The following DUS4L variants were observed in gnomAD, a reference collection of about 807,000 sequenced individuals.
DUS4L encodes tRNA-dihydrouridine(20a/20b) synthase [NAD(P)+]-like.
Under a neutral mutation model 33.8 loss-of-function variants are expected in DUS4L, and 31 were observed. That is an observed-to-expected ratio of 0.92 (90% CI 0.69 to 1.24). DUS4L has a LOEUF of 1.24. DUS4L is among the 50% of genes most tolerant of loss of function. The pLI is 0.00. For synonymous variants in DUS4L, 103 were observed against 120.3 expected (o/e 0.86, Z 0.94); for missense variants, 368 against 388.6 (o/e 0.95, Z 0.45).
In DUS4L at chr7:107,573,830, C is replaced by A; in HGVS notation, c.356+9C>A. 3 of 1,487,588 alleles carry A rather than the reference C, an allele frequency of 2.0e-6. No individual in the cohort carries two copies. The highest frequency in any genetic ancestry group is 2.5e-5 in the East Asian group (1 of 39,344). The allele number at this position is 1,487,588 out of a possible 1,614,324, so 92.1% of individuals were successfully genotyped here. On this transcript the variant is annotated intron_variant, in intron 5 of 7. Transcript: ENST00000265720. ...TGTGGTTGCCCTCAGAGGTAAAGCT[C>A]AAAGAAGTTGGAAGAATTTTCCAAA...
At chr7:107,572,925 CAT>C (rs1240968845) in intron 4 of DUS4L, among the ~76,000 whole-genome samples, 8 of 151,180 alleles carry the variant, frequency 5.3e-5, no homozygotes, top group African/African-American at 1.9e-4. Flanking sequence ...ATTTATAACA[CAT>C]GATAGATAGC....
At chr7:107,576,809 T>C in intron 7 of DUS4L, 1 of 480,514 alleles carries the variant, frequency 2.1e-6, no homozygotes, top group East Asian at 3.8e-5. Context: ...GTTACTTTTC[T>C]GACACCATCA....
At position 107,567,090 on chromosome 7, in the gene DUS4L, A is replaced by G. The variant is rs1417538359; in HGVS notation, c.20A>G (p.Gln7Arg). Residue 7 changes from glutamine to arginine, a missense_variant, in exon 3 of 8, where the codon CAA (glutamine) becomes CGA (arginine). Gln to Arg is a conservative substitution (Grantham distance 43). Transcript: ENST00000265720. The part of the protein sequence containing the change: MKSDCM[Q>R]TTICQERKKD... ...GTATTAATGAAGAGTGACTGCATGC[A>G]AACGACAATATGTCAGGAAAGAAAA... 1.2e-6 allele frequency: 2 copies of G among 1,613,394 alleles called. No homozygotes were observed. Among genetic ancestry groups the G allele is most frequent in the Non-Finnish European group, 1.7e-6 (2 of 1,179,656 alleles).
At chr7:107,568,410 C>T (rs1804904360) in intron 3 of DUS4L, among the ~76,000 whole-genome samples, 1 of 152,182 alleles carries the variant, frequency 6.6e-6, no homozygotes, top group South Asian at 2.1e-4. Flanking sequence ...AGTGGTATCT[C>T]ATTGCAGTTT....
At chr7:107,566,489 C>T (rs1201544585) in intron 2 of DUS4L, among the ~76,000 whole-genome samples, 2 of 152,142 alleles carry the variant, frequency 1.3e-5, no homozygotes, top group African/African-American at 4.8e-5. Flanking sequence ...GAAATTTTCA[C>T]TAGATAATAT....
At position 107,575,170 on chromosome 7, in the gene DUS4L, T is replaced by A. The variant is rs1224870089; in HGVS notation, c.357-18T>A. 1.9e-6 allele frequency: 3 copies of A among 1,606,660 alleles called. No individual in the cohort carries two copies. In the Admixed American group the frequency reaches 5.2e-5, roughly 28 times the overall value. On this transcript the variant is annotated intron_variant, in intron 5 of 7. Transcript: ENST00000265720. ...CAGTTATTTATAATTCACTTGTTCA[T>A]GTGTTTGCTTTACAAAGGTGGGCAA...
chr7:107,567,332 A>G, intron 3 of DUS4L, 146 bp downstream of exon 3: 1 of 652,140 alleles, frequency 1.5e-6, no homozygotes, highest in Non-Finnish European at 2.6e-6. Flanking sequence ...TCATGATGCT[A>G]CTACTTGCCT....
intron 4 of DUS4L, 34 bp downstream of exon 4, chr7:107,571,300 CTT>C (rs766089496): frequency 3.8e-6 from 6 of 1,580,670 alleles, no homozygotes; most frequent in Non-Finnish European, 4.3e-6. Flanking sequence ...CTTTGTAAAA[CTT>C]TTTAAATTTG....
chr7:107,564,748 A>G (rs939754470), intron 2 of DUS4L, 72 bp downstream of exon 2: 6 of 152,240 alleles, frequency 3.9e-5, no homozygotes, highest in Non-Finnish European at 8.8e-5. Context: ...TCTAAGATAA[A>G]TACTGATAAA....
chr7:107,565,033 C>G (rs921515575), intron 2 of DUS4L, among the ~76,000 whole-genome samples: 2 of 152,184 alleles, frequency 1.3e-5, no homozygotes, highest in Non-Finnish European at 2.9e-5. Flanking sequence ...GCATTATGCT[C>G]TCTTTGTCTC....
In DUS4L at chr7:107,564,137, G is replaced by C; in HGVS notation, c.-183G>C. 2 of 832,810 alleles carry C rather than the reference G, an allele frequency of 2.4e-6. No individual in the cohort carries two copies. Among genetic ancestry groups the C allele is most frequent in the Non-Finnish European group, 3.7e-6 (2 of 536,782 alleles). 51.6% of individuals were successfully genotyped at this position (832,810 alleles called of 1,614,324 possible). A position where few individuals can be genotyped will look rare whatever the true frequency, so the allele number is the denominator to read the frequency against. On this transcript the variant is annotated 5_prime_UTR_variant, in exon 1 of 8. Transcript: ENST00000265720. ...AGGGAGCCAAGGCCGTCGGGCCGGC[G>C]CTTTCAGCTGTCTCTCGCAGCAGCT... is the stretch of plus-strand genomic sequence containing the variant.
intron 3 of DUS4L, chr7:107,570,296 C>T (rs1736436807): frequency 6.6e-6 from 1 of 152,170 alleles, no homozygotes; most frequent in African/African-American, 2.4e-5. Context: ...AATCCAAGTT[C>T]TCCACTTGGC....
intron 2 of DUS4L, among the ~76,000 whole-genome samples, chr7:107,565,340 C>G (rs1354771693): frequency 6.6e-6 from 1 of 152,190 alleles, no homozygotes; most frequent in East Asian, 1.9e-4. Context: ...TTTGGATTTA[C>G]TTATTCCAGT....
chr7:107,577,257 A>T (rs1805834484), intron 7 of DUS4L, 56 bp from the exon 8 acceptor site: 2 of 1,595,148 alleles, frequency 1.3e-6, no homozygotes, highest in East Asian at 4.5e-5. Context: ...TTGAGCTTGA[A>T]CTAATAACCA....
chr7:107,569,615 A>G (rs548386988), intron 3 of DUS4L, among the ~76,000 whole-genome samples: 185 of 150,152 alleles, frequency 1.2e-3, no homozygotes, highest in Non-Finnish European at 2.0e-3. Flanking sequence ...TTCTATCATC[A>G]GTATTGTGTA....
At position 107,577,611 on chromosome 7, in the gene DUS4L, C is replaced by A. The variant is rs778341036; in HGVS notation, c.*51C>A. ...TATACTTTTAGACCCACAGTGAAAC[C>A]ACAGAAGGTCATATTTTGTACCTTA... On this transcript the variant is annotated 3_prime_UTR_variant, in exon 8 of 8. Coordinates refer to ENST00000265720, the MANE Select transcript of DUS4L (RefSeq NM_181581.3). The A allele has an allele frequency of 8.4e-6, 13 of 1,550,136 alleles. No individual in the cohort carries two copies. Among genetic ancestry groups the A allele is most frequent in the Non-Finnish European group, 1.1e-5 (13 of 1,144,672 alleles).
At chr7:107,566,782 G>T (rs77731794) in intron 2 of DUS4L, among the ~76,000 whole-genome samples, 1 of 148,318 alleles carries the variant, frequency 6.7e-6, no homozygotes. Context: ...TTACAACATG[G>T]TAAACTAGGG....
rs763122538 is a variant in DUS4L at position 107,577,347 on chromosome 7, G to A, written c.741G>A (p.Pro247=). Residue 247 remains proline, a synonymous_variant, in exon 8 of 8, where the codon CCG becomes CCA. Coordinates refer to ENST00000265720, the MANE Select transcript of DUS4L (RefSeq NM_181581.3). ...TTGCAAGAGGACTCTTAGCAAACCCGGCCATGTTTGCTGGATATGAGGAAA... is the reference window on the plus strand; with the variant it reads ...TTGCAAGAGGACTCTTAGCAAACCCAGCCATGTTTGCTGGATATGAGGAAA... ...VMVARGLLAN[P]AMFAGYEETP... 39 of 1,613,964 alleles carry A rather than the reference G, an allele frequency of 2.4e-5. No individual in the cohort carries two copies. Among genetic ancestry groups the A allele is most frequent in the East Asian group, 4.5e-5 (2 of 44,880 alleles).
chr7:107,564,035 C>T lies in DUS4L; in HGVS notation c.-285C>T. The T allele has an allele frequency of 2.8e-6, 4 of 1,411,468 alleles. No individual in the cohort carries two copies. Among genetic ancestry groups the T allele is most frequent in the Non-Finnish European group, 3.8e-6 (4 of 1,065,512 alleles). 87.4% of individuals were successfully genotyped at this position (1,411,468 alleles called of 1,614,324 possible). A position where few individuals can be genotyped will look rare whatever the true frequency, so the allele number is the denominator to read the frequency against. ...AACTGACTCTCAGCCCGCGCCTGGG[C>T]TAAGCCTGGCTAGGAGCCGCGCAGG... is the stretch of plus-strand genomic sequence containing the variant. On this transcript the variant is annotated 5_prime_UTR_variant, in exon 1 of 8. Coordinates refer to ENST00000265720, the MANE Select transcript of DUS4L (RefSeq NM_181581.3).
Sources: allele counts gnomAD v4.1 joint callset (sites outside exome capture counted in the v4.1 genomes callset), GRCh38; gene constraint gnomAD v4.1.1; transcripts MANE v1.5; gene names NCBI Gene and HGNC (gene_info 2026-07-23, HGNC 2026-07-21).